Variants in WDR70 observed in about 807,000 individuals in gnomAD.
The protein encoded by WDR70 is WD repeat domain 70.
In WDR70, 53 loss-of-function variants were observed where a neutral mutation model predicts 88.6. The ratio of observed to expected loss-of-function variants is 0.60; its 90% CI spans 0.48 to 0.75. The LOEUF (loss-of-function observed/expected upper bound fraction) is 0.75, where lower values mean the gene tolerates loss of function less well. Ranked by LOEUF, WDR70 falls within the 30% of genes least tolerant of loss-of-function variation. The probability of loss-of-function intolerance (pLI) is 0.00; values close to 1 mark genes in which losing one functional copy is unlikely to be tolerated. For synonymous variants in WDR70, 280 were observed against 270.0 expected (o/e 1.04, Z -0.36); for missense variants, 610 against 823.2 (o/e 0.74, Z 3.17).
chr5:37,397,867 A>G (rs1333715883), intron 5 of WDR70, among the ~76,000 whole-genome samples: 1 of 151,604 alleles, frequency 6.6e-6, no homozygotes, highest in African/African-American at 2.4e-5. Flanking sequence ...ATCGTGGCGC[A>G]CGCCTGTAGT....
intron 10 of WDR70, among the ~76,000 whole-genome samples, chr5:37,635,075 A>G (rs1581452952): frequency 6.6e-6 from 1 of 152,026 alleles, no homozygotes; most frequent in Admixed American, 6.5e-5. Context: ...TTTTTCCTCT[A>G]CAGTTCCCTT....
At chr5:37,381,285 G>A (rs567527325) in intron 2 of WDR70, among the ~76,000 whole-genome samples, 91 of 152,120 alleles carry the variant, frequency 6.0e-4, no homozygotes, top group Non-Finnish European at 1.2e-3. Flanking sequence ...CTATTTAAAA[G>A]TCCATAACCT....
intron 9 of WDR70, among the ~76,000 whole-genome samples, chr5:37,534,243 C>T (rs530323975): frequency 6.6e-6 from 1 of 152,290 alleles, no homozygotes; most frequent in South Asian, 2.1e-4. Context: ...AGTCCTGCCT[C>T]CTATTCGCCA....
chr5:37,406,292 C>T (rs1280559116), intron 5 of WDR70, among the ~76,000 whole-genome samples: 1 of 152,160 alleles, frequency 6.6e-6, no homozygotes, highest in East Asian at 1.9e-4. Context: ...CAGATCTCTC[C>T]AATTCCCTGT....
At chr5:37,587,194 TG>T (rs1437816675) in intron 9 of WDR70, among the ~76,000 whole-genome samples, 3 of 152,124 alleles carry the variant, frequency 2.0e-5, no homozygotes, top group Non-Finnish European at 4.4e-5. Context: ...TTCTATTTAG[TG>T]GCTTCACAGT....
At chr5:37,665,324 T>TA (rs1175491788) in intron 10 of WDR70, among the ~76,000 whole-genome samples, 1 of 152,216 alleles carries the variant, frequency 6.6e-6, no homozygotes, top group East Asian at 1.9e-4. Flanking sequence ...TGTGGTCACT[T>TA]ACAGAACTGC....
intron 10 of WDR70, among the ~76,000 whole-genome samples, chr5:37,693,923 C>A (rs1746897532): frequency 6.6e-6 from 1 of 152,172 alleles, no homozygotes; most frequent in Non-Finnish European, 1.5e-5. Context: ...AGGCAACCTA[C>A]AAAATGGGAG....
chr5:37,571,479 G>A (rs1183757950), intron 9 of WDR70, among the ~76,000 whole-genome samples: 1 of 152,148 alleles, frequency 6.6e-6, no homozygotes, highest in Admixed American at 6.5e-5. Flanking sequence ...ATAACTTCTG[G>A]AGGATTATTT....
intron 9 of WDR70, among the ~76,000 whole-genome samples, chr5:37,587,110 C>A (rs1026987817): frequency 1.3e-5 from 2 of 152,072 alleles, no homozygotes; most frequent in Non-Finnish European, 2.9e-5. Context: ...ACAGACTTGT[C>A]CCCTCTGGTC....
At chr5:37,530,773 G>GTTTTTTTTTTTT (rs57043165) in intron 9 of WDR70, among the ~76,000 whole-genome samples, 1 of 127,946 alleles carries the variant, frequency 7.8e-6, no homozygotes, top group Non-Finnish European at 1.7e-5. Flanking sequence ...TTTATCTTTT[G>GTTTTTTTTTTTT]TTTTTTTTTT....
chr5:37,590,403 G>A (rs1743495820), intron 9 of WDR70, among the ~76,000 whole-genome samples: 1 of 152,174 alleles, frequency 6.6e-6, no homozygotes, highest in Non-Finnish European at 1.5e-5. Context: ...GCTTCTTTTA[G>A]TTGGGAGAGT....
intron 11 of WDR70, among the ~76,000 whole-genome samples, chr5:37,699,685 C>T (rs1481919314): frequency 5.9e-5 from 9 of 152,016 alleles, no homozygotes; most frequent in Admixed American, 5.2e-4. Flanking sequence ...CAGTGGCCCA[C>T]ACCTGTAATC....
chr5:37,674,746 C>T lies in WDR70; in HGVS notation c.1093-22909C>T, dbSNP rs896903344. Reference sequence around the variant, plus strand: ...GATTTATAATCCTTTGGGTATATACCCAGTAATGGGATGGCTGGGTCAAAT... The same window carrying T: ...GATTTATAATCCTTTGGGTATATACTCAGTAATGGGATGGCTGGGTCAAAT... On this transcript the variant is annotated intron_variant, in intron 10 of 17. Transcript: ENST00000265107. Among the ~76,000 whole-genome samples, 5 of 151,748 alleles carry T rather than the reference C, an allele frequency of 3.3e-5. 1 individual carries two copies. The highest frequency in any genetic ancestry group is 1.2e-4 in the African/African-American group (5 of 41,288).
intron 5 of WDR70, among the ~76,000 whole-genome samples, chr5:37,400,684 C>T (rs1243659270): frequency 6.6e-6 from 1 of 152,132 alleles, no homozygotes; most frequent in Non-Finnish European, 1.5e-5. Flanking sequence ...GCAAATACAT[C>T]TCTATTGTTT....
intron 5 of WDR70, among the ~76,000 whole-genome samples, chr5:37,433,624 G>A (rs1750380975): frequency 6.6e-6 from 1 of 152,132 alleles, no homozygotes; most frequent in South Asian, 2.1e-4. Flanking sequence ...TCAAACTCTA[G>A]TAAGGGAAAA....
Position 37,396,519 on chromosome 5 carries a change from T to TGAA in WDR70, c.455_457dup (p.Glu152dup), listed in dbSNP as rs746645092. 5 of 1,613,156 alleles carry TGAA rather than the reference T, an allele frequency of 3.1e-6. No homozygotes were observed. The highest frequency in any genetic ancestry group is 2.2e-5 in the East Asian group (1 of 44,870). ...TCGGTCCTTTACCTCCACCTCTTAATGAAGAAGAAGAAGAAGCAGAGGAAG... is the reference window on the plus strand; with the variant it reads ...TCGGTCCTTTACCTCCACCTCTTAATGAAGAAGAAGAAGAAGAAGCAGAGGAAG... On this transcript the variant is annotated inframe_insertion, in exon 5 of 18. Coordinates refer to ENST00000265107, the MANE Select transcript of WDR70 (RefSeq NM_018034.4).
chr5:37,539,303 G>T (rs1192306238), intron 9 of WDR70, among the ~76,000 whole-genome samples: 1 of 152,096 alleles, frequency 6.6e-6, no homozygotes, highest in Non-Finnish European at 1.5e-5. Flanking sequence ...GGCTGAATTG[G>T]CTGTATTTAG....
At chr5:37,560,837 G>A (rs1218198585) in intron 9 of WDR70, among the ~76,000 whole-genome samples, 1 of 133,884 alleles carries the variant, frequency 7.5e-6, no homozygotes, top group Non-Finnish European at 1.6e-5. Flanking sequence ...TTAAGAGACA[G>A]AGTCTTGCTC....
At chr5:37,697,796 A>G (rs1371582421) in intron 11 of WDR70, 42 bp downstream of exon 11, 1 of 1,519,608 alleles carries the variant, frequency 6.6e-7, no homozygotes, top group East Asian at 2.3e-5. Flanking sequence ...CTCTATATAA[A>G]ATAATCATCT....
Sources: allele counts gnomAD v4.1 joint callset (sites outside exome capture counted in the v4.1 genomes callset), GRCh38; gene constraint gnomAD v4.1.1; transcripts MANE v1.5; gene names NCBI Gene and HGNC (gene_info 2026-07-23, HGNC 2026-07-21).